The following ZNF718 variants were observed in gnomAD, a reference collection of about 807,000 sequenced individuals.
The protein encoded by ZNF718 is zinc finger protein 718.
In ZNF718, 3 loss-of-function variants were observed where a neutral mutation model predicts 2.6. The ratio of observed to expected loss-of-function variants is 1.16; its 90% CI spans 0.53 to 3.01. ZNF718 has a LOEUF of 3.01. Among genes scored for constraint, ZNF718 ranks in the 30% most tolerant of loss-of-function variants. The pLI is 0.03. For missense variants in ZNF718, 468 were observed against 230.0 expected (o/e 2.03, Z -6.69); for synonymous variants, 135 against 77.9 (o/e 1.73, Z -3.86).
At chr4:149,333 G>C (rs1312486350) in intron 3 of ZNF718, among the ~76,000 whole-genome samples, 1 of 151,956 alleles carries the variant, frequency 6.6e-6, no homozygotes, top group African/African-American at 2.4e-5. Flanking sequence ...TCAAAATCCC[G>C]GCTCTTCAAT....
chr4:184,100 A>G (rs1553820183), intron 3 of ZNF718, among the ~76,000 whole-genome samples: 1 of 152,124 alleles, frequency 6.6e-6, no homozygotes, highest in East Asian at 1.9e-4. Context: ...TTCAAGGCAA[A>G]TGCTTCCAGC....
At chr4:125,058 C>T (rs1715139001) in intron 1 of ZNF718, 1 of 175,240 alleles carries the variant, frequency 5.7e-6, no homozygotes, top group South Asian at 1.2e-4. Flanking sequence ...GCAAACAGGA[C>T]TTATTAATGG....
chr4:159,321 C>T (rs1212354607), intron 3 of ZNF718, among the ~76,000 whole-genome samples: 4 of 152,074 alleles, frequency 2.6e-5, no homozygotes, highest in South Asian at 2.1e-4. Flanking sequence ...CAGGTCTGAG[C>T]CACTGTGCCT....
rs972410204 is a variant in ZNF718 at position 162,835 on chromosome 4, G to A, written c.*713G>A. 1.3e-5 allele frequency: 2 copies of A among 152,148 alleles called. No homozygotes were observed. The highest frequency in any genetic ancestry group is 6.6e-5 in the Admixed American group (1 of 15,266). 9.4% of individuals were successfully genotyped at this position (152,148 alleles called of 1,614,324 possible). A position where few individuals can be genotyped will look rare whatever the true frequency, so the allele number is the denominator to read the frequency against. On this transcript the variant is annotated 3_prime_UTR_variant, in exon 4 of 4. Coordinates refer to ENST00000510175, the MANE Select transcript of ZNF718 (RefSeq NM_001039127.6). ...AGAAGATATTTTGTAGATGCGGTAA[G>A]TATGAAAAGATAGTCTGAAATTAAG...
intron 3 of ZNF718, among the ~76,000 whole-genome samples, chr4:196,300 G>A (rs568720039): frequency 1.3e-5 from 2 of 152,260 alleles, no homozygotes; most frequent in Admixed American, 1.3e-4. Context: ...GTGGGGAACA[G>A]GTCCCACATA....
intron 1 of ZNF718, among the ~76,000 whole-genome samples, chr4:127,045 C>T (rs1194960509): frequency 6.6e-6 from 1 of 152,116 alleles, no homozygotes; most frequent in African/African-American, 2.4e-5. Context: ...AGGATGGTCT[C>T]CATCTTCTGA....
intron 3 of ZNF718, among the ~76,000 whole-genome samples, chr4:134,853 A>G (rs1363914604): frequency 6.6e-6 from 1 of 152,166 alleles, no homozygotes; most frequent in Non-Finnish European, 1.5e-5. Context: ...TCAGAGGCCA[A>G]GGCTGATAGA....
At chr4:138,752 T>G (rs1372894275) in intron 3 of ZNF718, among the ~76,000 whole-genome samples, 1 of 151,928 alleles carries the variant, frequency 6.6e-6, no homozygotes, top group African/African-American at 2.4e-5. Context: ...ACCAAGAGAG[T>G]ACTAGAGTTC....
chr4:169,293 A>G (rs1717167826), intron 3 of ZNF718, among the ~76,000 whole-genome samples: 1 of 152,172 alleles, frequency 6.6e-6, no homozygotes, highest in African/African-American at 2.4e-5. Flanking sequence ...TTTTGGAATA[A>G]GTGCAGTGTG....
In ZNF718 at chr4:170,147, C is replaced by A. The variant is rs551680405; in HGVS notation, c.227-30934C>A. The stretch of plus-strand genomic sequence containing the variant: ...GATATGAAATTCTAAATTGAAAATT[C>A]TTTTCTTTAAGAATGTTGAATATTG... On this transcript the variant is annotated intron_variant and NMD_transcript_variant, in intron 3 of 4. Coordinates refer to the ZNF718 transcript ENST00000642529. Among the ~76,000 whole-genome samples, 36 of 152,222 alleles carry A rather than the reference C, an allele frequency of 2.4e-4. 1 individual carries two copies. Among genetic ancestry groups the A allele is most frequent in the African/African-American group, 5.5e-4 (23 of 41,518 alleles).
downstream of ZNF718, among the ~76,000 whole-genome samples, chr4:166,465 AACAGTGTAAAAGTGTT>A (rs2108808009): frequency 6.6e-6 from 1 of 152,298 alleles, no homozygotes; most frequent in East Asian, 1.9e-4. Context: ...CAGTCCCACC[AACAGTGTAAAAGTGTT>A]CCTATTTCTC....
At chr4:166,236 A>T (rs1338827056), downstream of ZNF718, among the ~76,000 whole-genome samples, 16 of 152,268 alleles carry the variant, frequency 1.1e-4, no homozygotes, top group African/African-American at 3.9e-4. Flanking sequence ...ACATTTTCTT[A>T]ATCCAGTCTA....
At chr4:193,385 T>A (rs1336466515) in intron 3 of ZNF718, among the ~76,000 whole-genome samples, 1 of 152,130 alleles carries the variant, frequency 6.6e-6, no homozygotes, top group Non-Finnish European at 1.5e-5. Flanking sequence ...ATTCCCTTTC[T>A]CTCCATATTG....
intron 3 of ZNF718, among the ~76,000 whole-genome samples, chr4:184,645 G>A (rs1375110555): frequency 4.6e-5 from 7 of 151,978 alleles, no homozygotes; most frequent in African/African-American, 1.7e-4. Flanking sequence ...CAGGTCCTGG[G>A]CTTTTTTTGG....
intron 3 of ZNF718, among the ~76,000 whole-genome samples, chr4:194,534 T>C (rs1717753980): frequency 6.6e-6 from 1 of 152,198 alleles, no homozygotes; most frequent in Admixed American, 6.5e-5. Flanking sequence ...CTGACTGAGA[T>C]ATCAGAGATC....
At chr4:145,253 G>A (rs1715999303) in intron 3 of ZNF718, among the ~76,000 whole-genome samples, 1 of 152,100 alleles carries the variant, frequency 6.6e-6, no homozygotes, top group African/African-American at 2.4e-5. Context: ...ACTTATTACT[G>A]CCATTTTGTT....
intron 1 of ZNF718, chr4:125,213 G>C: frequency 6.5e-6 from 1 of 154,452 alleles, no homozygotes; most frequent in South Asian, 2.0e-4. Flanking sequence ...CCTCCTCCGC[G>C]TGGCTGTTCC....
intron 3 of ZNF718, among the ~76,000 whole-genome samples, chr4:179,360 A>G (rs1288939726): frequency 6.6e-6 from 1 of 152,156 alleles, no homozygotes; most frequent in Non-Finnish European, 1.5e-5. Flanking sequence ...TGTGTTGGCT[A>G]TTCATGGTCC....
At chr4:168,628 G>A (rs1257830021), downstream of ZNF718, among the ~76,000 whole-genome samples, 2 of 152,162 alleles carry the variant, frequency 1.3e-5, no homozygotes, top group Non-Finnish European at 2.9e-5. Flanking sequence ...AGATTTTCTA[G>A]TTTATTTGCG....
Sources: allele counts gnomAD v4.1 joint callset (sites outside exome capture counted in the v4.1 genomes callset), GRCh38; gene constraint gnomAD v4.1.1; transcripts MANE v1.5; gene names NCBI Gene and HGNC (gene_info 2026-07-23, HGNC 2026-07-21).